The following SH3RF3 variants were observed in gnomAD, a reference collection of about 807,000 sequenced individuals.
SH3RF3 encodes the protein SH3 domain containing ring finger 3.
In SH3RF3, 29 loss-of-function variants were observed where a neutral mutation model predicts 66.3. The observed-to-expected ratio is 0.44, with a 90% CI of 0.33 to 0.60. The LOEUF (loss-of-function observed/expected upper bound fraction) is 0.60. Among genes scored for constraint, SH3RF3 ranks in the 20% least tolerant of loss-of-function variants. The pLI is 0.04. For missense variants in SH3RF3, 1,194 were observed against 1,190.9 expected (o/e 1.00, Z -0.04); for synonymous variants, 583 against 532.0 (o/e 1.10, Z -1.32).
Position 109,129,888 on chromosome 2 carries a change from A to C in SH3RF3, c.348A>C (p.Arg116=). 1.3e-6 allele frequency: 2 copies of C among 1,517,044 alleles called. No homozygotes were observed. The highest frequency in any genetic ancestry group is 1.8e-6 in the Non-Finnish European group (2 of 1,138,098). The allele number at this position is 1,517,044 out of a possible 1,614,324, so 94.0% of individuals were successfully genotyped here. A position where few individuals can be genotyped will look rare whatever the true frequency, so the allele number is the denominator to read the frequency against. The change falls in exon 1 of 10, where the codon CGA becomes CGC. Residue 116 remains arginine, a synonymous_variant. Coordinates refer to ENST00000309415, the MANE Select transcript of SH3RF3 (RefSeq NM_001099289.3). ...DELPANILLV[R]LLDGIRQRPR... ...TGCCCGCCAACATCTTGCTGGTGCG[A>C]CTGCTGGACGGCATCCGTCAGCGGC... is the stretch of plus-strand genomic sequence containing the variant.
intron 8 of SH3RF3, among the ~76,000 whole-genome samples, chr2:109,474,964 GTTTT>G (rs889709833): frequency 6.6e-6 from 1 of 151,644 alleles, no homozygotes; most frequent in Non-Finnish European, 1.5e-5. Context: ...TTTTGTTTGG[GTTTT>G]TTTTGTTTGT....
chr2:109,192,810 A>G (rs1678400851), intron 1 of SH3RF3, among the ~76,000 whole-genome samples: 1 of 152,164 alleles, frequency 6.6e-6, no homozygotes, highest in Non-Finnish European at 1.5e-5. Flanking sequence ...ACAAATATGA[A>G]TGGTCATTGG....
chr2:109,319,722 C>T (rs1681977429), intron 1 of SH3RF3, among the ~76,000 whole-genome samples: 1 of 152,252 alleles, frequency 6.6e-6, no homozygotes, highest in African/African-American at 2.4e-5. Flanking sequence ...ATGGTGTGGG[C>T]AGGTGCAGCC....
chr2:109,136,640 C>T (rs1273407892), intron 1 of SH3RF3, among the ~76,000 whole-genome samples: 8 of 152,144 alleles, frequency 5.3e-5, no homozygotes, highest in Non-Finnish European at 1.2e-4. Context: ...GAAGGAGGCC[C>T]AAGAAGAGTC....
chr2:109,149,230 C>G (rs901145197), intron 1 of SH3RF3, among the ~76,000 whole-genome samples: 7 of 152,152 alleles, frequency 4.6e-5, no homozygotes, highest in African/African-American at 1.7e-4. Flanking sequence ...TTTATTCGGA[C>G]TTCTCTAGTC....
At chr2:109,337,330 G>A (rs1163807822) in intron 1 of SH3RF3, among the ~76,000 whole-genome samples, 1 of 152,200 alleles carries the variant, frequency 6.6e-6, no homozygotes, top group East Asian at 1.9e-4. Flanking sequence ...GGGTGCATCG[G>A]GCTGCTGGCC....
intron 1 of SH3RF3, among the ~76,000 whole-genome samples, chr2:109,150,811 C>G (rs937171932): frequency 1.3e-5 from 2 of 151,880 alleles, no homozygotes; most frequent in Non-Finnish European, 2.9e-5. Context: ...GCTGTTCAGA[C>G]TTGGGGAGAA....
At chr2:109,476,859 G>A (rs566451038) in intron 8 of SH3RF3, among the ~76,000 whole-genome samples, 7 of 152,162 alleles carry the variant, frequency 4.6e-5, no homozygotes, top group South Asian at 2.1e-4. Context: ...AAACCATATC[G>A]GGTAACTTCC....
intron 4 of SH3RF3, among the ~76,000 whole-genome samples, chr2:109,411,649 G>A (rs555406669): frequency 1.3e-4 from 20 of 152,238 alleles, no homozygotes; most frequent in African/African-American, 3.9e-4. Flanking sequence ...CCAGCCCAGC[G>A]TTGCCTCCTA....
chr2:109,369,192 A>AG (rs1427514003), intron 2 of SH3RF3, among the ~76,000 whole-genome samples: 6 of 151,846 alleles, frequency 4.0e-5, no homozygotes, highest in Admixed American at 6.6e-5. Flanking sequence ...AAAAAAAAAA[A>AG]AAAAAATTAG....
At chr2:109,249,452 T>C (rs1262055976) in intron 1 of SH3RF3, among the ~76,000 whole-genome samples, 2 of 147,132 alleles carry the variant, frequency 1.4e-5, no homozygotes, top group East Asian at 4.1e-4. Flanking sequence ...CAGATCTCTC[T>C]CTCTTTCTCT....
chr2:109,249,599 TTTTCTTTCTTTCTTTCTC>T (rs1680033199), intron 1 of SH3RF3, among the ~76,000 whole-genome samples: 1 of 144,482 alleles, frequency 6.9e-6, no homozygotes, highest in African/African-American at 2.7e-5. Context: ...CTTTCTTTCT[TTTTCTTTCTTTCTTTCTC>T]TTTCTTTCTC....
intron 5 of SH3RF3, among the ~76,000 whole-genome samples, chr2:109,423,475 T>A (rs2104534924): frequency 6.6e-6 from 1 of 152,306 alleles, no homozygotes; most frequent in South Asian, 2.1e-4. Flanking sequence ...GGAAAAGGAC[T>A]GCTGACCAAA....
Position 109,467,065 on chromosome 2 carries a change from C to T in SH3RF3, c.2148+17576C>T, listed in dbSNP as rs528060354. ...CTCTGCTGGTGGAAATGTAAAATGG[C>T]ACAACTACTTGGGAAAATGGTTCAG... On this transcript the variant is annotated intron_variant, in intron 8 of 9. Transcript: ENST00000309415. Among the ~76,000 whole-genome samples, 14 of 152,324 alleles carry T rather than the reference C, an allele frequency of 9.2e-5. No individual in the cohort carries two copies. The South Asian group carries it at 2.9e-3, about 32-fold the overall frequency.
At chr2:109,182,465 C>G (rs1678094190) in intron 1 of SH3RF3, among the ~76,000 whole-genome samples, 1 of 152,200 alleles carries the variant, frequency 6.6e-6, no homozygotes, top group African/African-American at 2.4e-5. Flanking sequence ...GGGACACACT[C>G]AAACTATAGT....
chr2:109,269,624 TA>T (rs1016241517), intron 1 of SH3RF3, among the ~76,000 whole-genome samples: 8 of 151,702 alleles, frequency 5.3e-5, no homozygotes, highest in African/African-American at 1.9e-4. Context: ...CTACTAAAAA[TA>T]AAAAAAATAG....
At chr2:109,135,059 C>T (rs1322976163) in intron 1 of SH3RF3, among the ~76,000 whole-genome samples, 2 of 152,326 alleles carry the variant, frequency 1.3e-5, no homozygotes, top group African/African-American at 4.8e-5. Context: ...TCATTCTCAT[C>T]CCTACCCAGT....
chr2:109,267,644 C>T lies in SH3RF3; in HGVS notation c.574-80030C>T, dbSNP rs1680529651. Among the ~76,000 whole-genome samples, 3 of 152,206 alleles carry T rather than the reference C, an allele frequency of 2.0e-5. 1 individual carries two copies. The South Asian group carries it at 6.2e-4, about 31-fold the overall frequency. ...GGGCCGGGAGCCAGGGGAGCCACTCCCAGCTGCCACCCCTGAGGTCTGGGA... is the reference window on the plus strand; with the variant it reads ...GGGCCGGGAGCCAGGGGAGCCACTCTCAGCTGCCACCCCTGAGGTCTGGGA... On this transcript the variant is annotated intron_variant, in intron 1 of 9. Coordinates refer to ENST00000309415, the MANE Select transcript of SH3RF3 (RefSeq NM_001099289.3).
intron 8 of SH3RF3, among the ~76,000 whole-genome samples, chr2:109,462,571 C>T (rs1249813189): frequency 6.6e-6 from 1 of 152,106 alleles, no homozygotes; most frequent in African/African-American, 2.4e-5. Flanking sequence ...TTGATGGTGG[C>T]ACTAATCTCT....
Sources: allele counts gnomAD v4.1 joint callset (sites outside exome capture counted in the v4.1 genomes callset), GRCh38; gene constraint gnomAD v4.1.1; transcripts MANE v1.5; gene names NCBI Gene and HGNC (gene_info 2026-07-23, HGNC 2026-07-21).